PAN3: variants seen among roughly 807,000 people sequenced by gnomAD.
PAN3 encodes the protein PAN2-PAN3 deadenylation complex subunit PAN3.
PAN3 carries 19 observed loss-of-function variants against 96.2 expected under a neutral mutation model. The observed-to-expected ratio is 0.20, with a 90% CI of 0.14 to 0.29. The LOEUF (loss-of-function observed/expected upper bound fraction) is 0.29, where lower values mean the gene tolerates loss of function less well. PAN3 is among the 10% of genes least tolerant of loss of function. The pLI is 1.00. For missense variants in PAN3, 882 were observed against 1,108.1 expected (o/e 0.80, Z 2.90); for synonymous variants, 433 against 406.6 (o/e 1.06, Z -0.78).
At chr13:28,246,081 T>C (rs536643520) in intron 6 of PAN3, among the ~76,000 whole-genome samples, 4 of 152,288 alleles carry the variant, frequency 2.6e-5, no homozygotes, top group African/African-American at 9.6e-5. Context: ...AGCAATTGAT[T>C]ATAGCCATCC....
intron 6 of PAN3, among the ~76,000 whole-genome samples, chr13:28,249,184 C>T (rs1478376846): frequency 1.3e-5 from 2 of 152,070 alleles, no homozygotes; most frequent in Admixed American, 6.6e-5. Context: ...GCATCTGCTC[C>T]ACTGGCAATA....
chr13:28,255,768 A>G (rs535470684), intron 6 of PAN3, among the ~76,000 whole-genome samples: 3 of 152,194 alleles, frequency 2.0e-5, no homozygotes, highest in African/African-American at 4.8e-5. Context: ...GCTTTTTCAA[A>G]CAATTTTGTT....
chr13:28,211,039 G>T (rs1221681326), intron 5 of PAN3, among the ~76,000 whole-genome samples: 1 of 151,902 alleles, frequency 6.6e-6, no homozygotes, highest in Non-Finnish European at 1.5e-5. Flanking sequence ...CCACAGGTGC[G>T]TACCACCACA....
rs568042076 is a variant in PAN3 at position 28,261,363 on chromosome 13, C to CT, written c.1354-37dup. 2.3e-4 allele frequency: 318 copies of CT among 1,402,680 alleles called. 1 individual carries two copies. In the African/African-American group the frequency reaches 4.5e-3, roughly 20 times the overall value. The allele number at this position is 1,402,680 out of a possible 1,614,324, so 86.9% of individuals were successfully genotyped here. ...TAATAGGAATTCCAGGTTTCAGAAT[C>CT]TGTGTTTAAATAAAAATATACTTAT... On this transcript the variant is annotated intron_variant, in intron 8 of 18. Coordinates refer to ENST00000380958, the MANE Select transcript of PAN3 (RefSeq NM_175854.8).
chr13:28,241,143 C>G lies in PAN3; in HGVS notation c.1001-15149C>G, dbSNP rs1457376123. 5.3e-5 allele frequency among the ~76,000 whole-genome samples: 8 copies of G among 152,124 alleles called. No individual in the cohort carries two copies. In the South Asian group the frequency reaches 1.7e-3, roughly 32 times the overall value. The stretch of plus-strand genomic sequence containing the variant: ...AGGGGTGGTGGCATGTGCTGGTGAT[C>G]CAAGCTACTAGGGAGGCTGAGGCAG... On this transcript the variant is annotated intron_variant, in intron 6 of 18. Coordinates refer to ENST00000380958, the MANE Select transcript of PAN3 (RefSeq NM_175854.8).
chr13:28,190,148 T>A (rs1877054870), intron 4 of PAN3, among the ~76,000 whole-genome samples: 1 of 152,134 alleles, frequency 6.6e-6, no homozygotes, highest in Non-Finnish European at 1.5e-5. Context: ...TTTCACCATG[T>A]TGGCCAGGCT....
intron 6 of PAN3, among the ~76,000 whole-genome samples, chr13:28,223,898 T>TTTG (rs1881699583): frequency 8.5e-6 from 1 of 117,294 alleles, no homozygotes; most frequent in African/African-American, 3.4e-5. Flanking sequence ...TTTTTTTTTT[T>TTTG]GAGACAGAGT....
At position 28,294,240 on chromosome 13, in the gene PAN3, C is replaced by T. The variant is rs1054049660; in HGVS notation, c.*1718C>T. Reference sequence around the variant, plus strand: ...ATGGATTTTAAAAGAATATAATGTTCAATATTAAAAGGATAATTCACATTT... The same window carrying T: ...ATGGATTTTAAAAGAATATAATGTTTAATATTAAAAGGATAATTCACATTT... On this transcript the variant is annotated 3_prime_UTR_variant, in exon 19 of 19. Transcript: ENST00000380958. The T allele has an allele frequency of 6.6e-6, 1 of 152,380 alleles. No homozygotes were observed. 9.4% of individuals were successfully genotyped at this position (152,380 alleles called of 1,614,324 possible).
At chr13:28,217,539 G>A (rs897514156) in intron 5 of PAN3, among the ~76,000 whole-genome samples, 4 of 151,520 alleles carry the variant, frequency 2.6e-5, no homozygotes, top group Non-Finnish European at 4.4e-5. Flanking sequence ...TGAAGGTTGT[G>A]CCACTGCACT....
Position 28,292,556 on chromosome 13 carries a change from A to G in PAN3, c.*34A>G. 6.3e-7 allele frequency: 1 copy of G among 1,583,244 alleles called. No homozygotes were observed. Among genetic ancestry groups the G allele is most frequent in the Non-Finnish European group, 8.6e-7 (1 of 1,165,918 alleles). ...AAAAAAGCACGCAGGACATGGCTAA[A>G]GACCTTAACCAATAGCAAATTGCAC... is the stretch of plus-strand genomic sequence containing the variant. On this transcript the variant is annotated 3_prime_UTR_variant, in exon 19 of 19. Coordinates refer to ENST00000380958, the MANE Select transcript of PAN3 (RefSeq NM_175854.8).
intron 6 of PAN3, among the ~76,000 whole-genome samples, chr13:28,222,891 A>G (rs1037851536): frequency 1.3e-5 from 2 of 152,212 alleles, no homozygotes; most frequent in African/African-American, 4.8e-5. Flanking sequence ...GAAACCTTAA[A>G]TACTTTGACA....
Position 28,288,180 on chromosome 13 carries a change from G to A in PAN3, c.2523+58G>A, listed in dbSNP as rs1397930402. 7 of 1,431,152 alleles carry A rather than the reference G, an allele frequency of 4.9e-6. No individual in the cohort carries two copies. In the African/African-American group the frequency reaches 8.7e-5, roughly 18 times the overall value. The allele number at this position is 1,431,152 out of a possible 1,614,324, so 88.7% of individuals were successfully genotyped here. A position where few individuals can be genotyped will look rare whatever the true frequency, so the allele number is the denominator to read the frequency against. On this transcript the variant is annotated intron_variant, in intron 18 of 18. Coordinates refer to ENST00000380958, the MANE Select transcript of PAN3 (RefSeq NM_175854.8). ...TTCTGCCTATAATTTGTATAGAGTT[G>A]TATCTTCTACAAATACTAGGAAACT...
At chr13:28,152,009 A>G (rs1315446198) in intron 1 of PAN3, among the ~76,000 whole-genome samples, 3 of 152,326 alleles carry the variant, frequency 2.0e-5, no homozygotes, top group Admixed American at 1.3e-4. Context: ...TATGGCTTCT[A>G]TAAGAACTTG....
chr13:28,279,905 T>TCTTGAACCCAG (rs1465992449), intron 15 of PAN3, among the ~76,000 whole-genome samples: 3 of 151,754 alleles, frequency 2.0e-5, no homozygotes, highest in Admixed American at 6.6e-5. Context: ...GTTCAAGCTA[T>TCTTGAACCCAG]TCTCCTGCCT....
At chr13:28,188,415 A>C (rs934495983) in intron 4 of PAN3, among the ~76,000 whole-genome samples, 2 of 152,176 alleles carry the variant, frequency 1.3e-5, no homozygotes, top group Non-Finnish European at 2.9e-5. Flanking sequence ...CCTAGGCAAT[A>C]TAGCAAGACC....
At position 28,180,839 on chromosome 13, in the gene PAN3, T is replaced by C. The variant is rs149476997; in HGVS notation, c.690+2904T>C. ...TTTTACTATATGCTATGTGGACAAA[T>C]TGAAAATGAAGGACTGAGTTTTTTT... is the stretch of plus-strand genomic sequence containing the variant. On this transcript the variant is annotated intron_variant, in intron 4 of 18. Transcript: ENST00000380958. Among the ~76,000 whole-genome samples the C allele has an allele frequency of 1.1e-3, 167 of 152,234 alleles. 1 individual carries two copies. Among genetic ancestry groups the C allele is most frequent in the African/African-American group, 3.8e-3 (159 of 41,544 alleles).
At chr13:28,143,152 C>T (rs1870098247) in intron 1 of PAN3, among the ~76,000 whole-genome samples, 1 of 151,224 alleles carries the variant, frequency 6.6e-6, no homozygotes. Flanking sequence ...GGAGTTCTTG[C>T]TGTGTTGTCT....
At chr13:28,291,215 C>A (rs1345381486) in intron 18 of PAN3, among the ~76,000 whole-genome samples, 1 of 152,020 alleles carries the variant, frequency 6.6e-6, no homozygotes, top group African/African-American at 2.4e-5. Flanking sequence ...ATGTTTGAGC[C>A]TTCAGTGAGT....
intron 1 of PAN3, among the ~76,000 whole-genome samples, chr13:28,151,960 GCATTTAAAAT>G (rs1346587577): frequency 1.3e-5 from 2 of 152,128 alleles, no homozygotes; most frequent in Non-Finnish European, 1.5e-5. Flanking sequence ...TGTATACTTG[GCATTTAAAAT>G]CATGGAACTG....
Sources: gnomAD v4.1 joint callset for allele counts (sites outside exome capture counted in the v4.1 genomes callset) on GRCh38, gnomAD v4.1.1 for gene constraint, MANE v1.5 for transcripts, NCBI Gene and HGNC (gene_info 2026-07-23, HGNC 2026-07-21) for gene names.